Variants in CRIM1 observed in about 807,000 individuals in gnomAD.
The protein encoded by CRIM1 is cysteine-rich motor neuron 1 protein.
In CRIM1, 32 loss-of-function variants were observed where a neutral mutation model predicts 116.4. The observed-to-expected ratio is 0.27, with a 90% CI of 0.21 to 0.37. The LOEUF (loss-of-function observed/expected upper bound fraction) is 0.37, where lower values mean the gene tolerates loss of function less well. CRIM1 is among the 10% of genes least tolerant of loss of function. CRIM1 has a pLI of 1.00. For missense variants in CRIM1, 1,331 were observed against 1,354.8 expected, an observed-to-expected ratio of 0.98 and a Z score of 0.28; for synonymous variants, 590 against 509.2, an observed-to-expected ratio of 1.16 and a Z score of -2.13.
At chr2:36,477,852 T>C (rs914223094) in intron 6 of CRIM1, among the ~76,000 whole-genome samples, 1 of 152,214 alleles carries the variant, frequency 6.6e-6, no homozygotes, top group Non-Finnish European at 1.5e-5. Context: ...GAAAAGTCAC[T>C]TGCCTGTAAA....
At chr2:36,382,461 C>T (rs1305617227) in intron 1 of CRIM1, among the ~76,000 whole-genome samples, 2 of 149,962 alleles carry the variant, frequency 1.3e-5, no homozygotes, top group Non-Finnish European at 3.0e-5. Flanking sequence ...GCTCCGTGGC[C>T]ATGCCACACA....
At chr2:36,441,040 G>A (rs1015530024) in intron 2 of CRIM1, among the ~76,000 whole-genome samples, 6 of 152,166 alleles carry the variant, frequency 3.9e-5, no homozygotes, top group African/African-American at 1.4e-4. Flanking sequence ...GTAGGGAGAC[G>A]GAGAAGAAGG....
intron 2 of CRIM1, among the ~76,000 whole-genome samples, chr2:36,428,546 C>T (rs1381608021): frequency 2.6e-5 from 4 of 152,162 alleles, no homozygotes; most frequent in East Asian, 1.9e-4. Context: ...AAAATCTAGG[C>T]TTGTGGATGA....
In CRIM1 at chr2:36,513,552, C is replaced by A; in HGVS notation, c.1781-4C>A. ...CTTTACCAGGCTGCCTTTTGTCTGTCCAGAGGCCTCTGCTTCAGCTGGGCC... is the reference window on the plus strand; with the variant it reads ...CTTTACCAGGCTGCCTTTTGTCTGTACAGAGGCCTCTGCTTCAGCTGGGCC... On this transcript the variant is annotated splice_polypyrimidine_tract_variant and splice_region_variant and intron_variant, in intron 10 of 16. Coordinates refer to ENST00000280527, the MANE Select transcript of CRIM1 (RefSeq NM_016441.3). The A allele has an allele frequency of 6.2e-7, 1 of 1,613,716 alleles. No individual in the cohort carries two copies. Among genetic ancestry groups the A allele is most frequent in the South Asian group, 1.1e-5 (1 of 91,038 alleles).
At position 36,548,518 on chromosome 2, in the gene CRIM1, T is replaced by C. The variant is rs753392264; in HGVS notation, c.2935-7T>C. On this transcript the variant is annotated splice_polypyrimidine_tract_variant and splice_region_variant and intron_variant, in intron 16 of 16. Transcript: ENST00000280527. ...TTTGTGGTTTTATTCCTCCTCTCAT[T>C]AAATAGCCTTCTTCCTTAAATAATC... The C allele has an allele frequency of 3.2e-6, 5 of 1,548,902 alleles. No individual in the cohort carries two copies. The highest frequency in any genetic ancestry group is 1.2e-5 in the South Asian group (1 of 80,482).
intron 4 of CRIM1, among the ~76,000 whole-genome samples, chr2:36,450,984 G>A (rs1000019181): frequency 5.9e-5 from 9 of 152,194 alleles, no homozygotes; most frequent in African/African-American, 1.4e-4. Flanking sequence ...GAGGCCAGCC[G>A]AATGGAATCT....
chr2:36,441,698 C>T (rs1675839024), intron 3 of CRIM1, among the ~76,000 whole-genome samples, 198 bp downstream of exon 3: 1 of 152,184 alleles, frequency 6.6e-6, no homozygotes, highest in Admixed American at 6.5e-5. Flanking sequence ...TCCACTGGTA[C>T]ATAAGCGCCT....
chr2:36,414,333 AT>A (rs1357709712), intron 2 of CRIM1, among the ~76,000 whole-genome samples: 1 of 152,226 alleles, frequency 6.6e-6, no homozygotes, highest in Non-Finnish European at 1.5e-5. Flanking sequence ...TTATATGTTT[AT>A]TCTGTAGAGT....
intron 1 of CRIM1, among the ~76,000 whole-genome samples, chr2:36,387,149 C>G (rs1473296423): frequency 1.3e-5 from 2 of 152,164 alleles, no homozygotes; most frequent in Non-Finnish European, 2.9e-5. Flanking sequence ...TCTTAACACT[C>G]CTTGCTGGGT....
intron 1 of CRIM1, among the ~76,000 whole-genome samples, chr2:36,389,251 A>G (rs1292528367): frequency 2.6e-5 from 4 of 152,228 alleles, no homozygotes; most frequent in Non-Finnish European, 5.9e-5. Flanking sequence ...CATAGGCCTT[A>G]AGCTTGAAGC....
At chr2:36,433,751 C>T (rs1483879598) in intron 2 of CRIM1, among the ~76,000 whole-genome samples, 4 of 152,262 alleles carry the variant, frequency 2.6e-5, no homozygotes, top group South Asian at 4.1e-4. Context: ...AATCACGTTA[C>T]AGTCTTACAG....
intron 2 of CRIM1, among the ~76,000 whole-genome samples, chr2:36,438,143 C>CA (rs11409271): frequency 0.056 from 7,625 of 135,120 alleles, 508 homozygotes; most frequent in African/African-American, 0.16. Context: ...AAAAAAAAAA[C>CA]AAAAAAAAAG....
At chr2:36,487,777 A>G in intron 7 of CRIM1, among the ~76,000 whole-genome samples, 1 of 152,194 alleles carries the variant, frequency 6.6e-6, no homozygotes. Flanking sequence ...CTTATTTGTA[A>G]GTATAACTCC....
intron 5 of CRIM1, among the ~76,000 whole-genome samples, chr2:36,465,252 C>A (rs767485932): frequency 6.6e-6 from 1 of 152,236 alleles, no homozygotes; most frequent in Non-Finnish European, 1.5e-5. Flanking sequence ...CTGACAGAAT[C>A]TGCCTCTCCC....
intron 13 of CRIM1, among the ~76,000 whole-genome samples, chr2:36,522,526 G>C (rs950872977): frequency 1.3e-5 from 2 of 152,156 alleles, no homozygotes; most frequent in Non-Finnish European, 1.5e-5. Flanking sequence ...ATGAGGCCAG[G>C]AGTGGTGGCT....
chr2:36,461,077 A>G (rs149999192), intron 4 of CRIM1, among the ~76,000 whole-genome samples: 121 of 152,362 alleles, frequency 7.9e-4, no homozygotes, highest in African/African-American at 2.8e-3. Context: ...GTTGAATGCT[A>G]GGCTGAGAAA....
chr2:36,504,929 G>C (rs711248), intron 8 of CRIM1, among the ~76,000 whole-genome samples: 56,254 of 151,996 alleles, frequency 0.37, 11,540 homozygotes, highest in African/African-American at 0.53. Context: ...TTCTTTAATT[G>C]TAGACATTAA....
rs184626569 is a variant in CRIM1, at chr2:36,496,444, C to A, written c.1373-2775C>A. Among the ~76,000 whole-genome samples the A allele has an allele frequency of 1.7e-3, 257 of 152,216 alleles. 1 individual carries two copies. The highest frequency in any genetic ancestry group is 2.8e-3 in the Non-Finnish European group (191 of 67,992). ...TTGAAATGGCTGTACTTCCCTGTTT[C>A]TTTCATCTAATATAGGTCATAAGTG... On this transcript the variant is annotated intron_variant, in intron 7 of 16. Coordinates refer to ENST00000280527, the MANE Select transcript of CRIM1 (RefSeq NM_016441.3).
chr2:36,519,926 T>TAAAA (rs3076523), intron 12 of CRIM1, among the ~76,000 whole-genome samples: 124,167 of 151,764 alleles, frequency 0.82, 50,882 homozygotes, highest in East Asian at 0.98. Context: ...AGGTAGAAAA[T>TAAAA]AGAAAAAAGG....
Sources: gnomAD v4.1 joint callset for allele counts (sites outside exome capture counted in the v4.1 genomes callset) on GRCh38, gnomAD v4.1.1 for gene constraint, MANE v1.5 for transcripts, NCBI Gene and HGNC (gene_info 2026-07-23, HGNC 2026-07-21) for gene names.